GNL3L: variants seen among roughly 807,000 people sequenced by gnomAD.
GNL3L encodes the protein G protein nucleolar 3 like, also known as guanine nucleotide-binding protein-like 3-like protein.
Under a neutral mutation model 42.9 loss-of-function variants are expected in GNL3L, and 4 were observed. That is an observed-to-expected ratio of 0.09 (90% CI 0.05 to 0.21). GNL3L has a LOEUF of 0.21. GNL3L is among the 10% of genes least tolerant of loss of function. The pLI is 1.00. For synonymous variants in GNL3L, 159 were observed against 176.3 expected, an observed-to-expected ratio of 0.90 and a Z score of 0.78; for missense variants, 412 against 481.7, an observed-to-expected ratio of 0.86 and a Z score of 1.36.
intron 16 of GNL3L, among the ~76,000 whole-genome samples, chrX:54,588,989 T>G (rs1376512906): frequency 9.2e-6 from 1 of 108,703 alleles, no homozygotes; most frequent in Non-Finnish European, 1.9e-5. Context: ...AAGATATTCT[T>G]GTTATTTTTT....
Position 54,558,518 on chromosome X carries a change from A to G in GNL3L, c.1529A>G (p.Lys510Arg). Reference sequence around the variant, plus strand: ...AAACGCAATGTGGACCACCGCCCTAAGAGCAACAGTATGGTGGATGTCTGC... The same window carrying G: ...AAACGCAATGTGGACCACCGCCCTAGGAGCAACAGTATGGTGGATGTCTGC... ...WAKRNVDHRP[K>R]SNSMVDVCSV... The change falls in exon 15 of 16, where the codon AAG becomes AGG. Residue 510 changes from lysine to arginine, a missense_variant. Physicochemically the swap from Lys to Arg is conservative, Grantham distance 26. Coordinates refer to ENST00000360845, the MANE Select transcript of GNL3L (RefSeq NM_001184819.2). 3 of 1,208,618 alleles carry G rather than the reference A, an allele frequency of 2.5e-6. No homozygotes were observed. The highest frequency in any genetic ancestry group is 3.4e-6 in the Non-Finnish European group (3 of 892,684).
downstream of GNL3L, among the ~76,000 whole-genome samples, chrX:54,570,689 T>G (rs1201539466): frequency 1.8e-5 from 2 of 111,181 alleles, no homozygotes; most frequent in Admixed American, 9.7e-5. Context: ...TTTTTCTTCC[T>G]TGATTTATTA....
chrX:54,536,977 C>G (rs1312055875), intron 2 of GNL3L, among the ~76,000 whole-genome samples: 1 of 108,218 alleles, frequency 9.2e-6, no homozygotes, highest in African/African-American at 3.3e-5. Flanking sequence ...CTTTAGAGTT[C>G]AGAAATTTCA....
chrX:54,551,101 C>T (rs760113490), intron 10 of GNL3L, 51 bp downstream of exon 10: 5 of 653,223 alleles, frequency 7.7e-6, no homozygotes, highest in South Asian at 2.2e-5. Context: ...CCTACCATTT[C>T]CCCCCAACTC....
intron 14 of GNL3L, among the ~76,000 whole-genome samples, chrX:54,555,502 G>A (rs769844051): frequency 6.6e-5 from 7 of 105,737 alleles, no homozygotes; most frequent in South Asian, 4.3e-4. Context: ...ATGGAAACTC[G>A]CTCTGCCACC....
At chrX:54,606,230 G>A (rs149263280) in intron 16 of GNL3L, among the ~76,000 whole-genome samples, 312 of 111,356 alleles carry the variant, frequency 2.8e-3, no homozygotes, top group African/African-American at 9.9e-3. Flanking sequence ...TAGAGTATAC[G>A]CATATAATGA....
intron 16 of GNL3L, among the ~76,000 whole-genome samples, chrX:54,580,493 A>C (rs1222828884): frequency 1.8e-5 from 2 of 111,064 alleles, no homozygotes; most frequent in Admixed American, 1.9e-4. Flanking sequence ...AGCATGATTT[A>C]TAATCCTTTG....
chrX:54,607,051 T>TCTTTCTTTCTTC (rs1569542589), intron 16 of GNL3L, among the ~76,000 whole-genome samples: 9 of 71,180 alleles, frequency 1.3e-4, no homozygotes, highest in Non-Finnish European at 1.9e-4. Flanking sequence ...TTTCTTTCTT[T>TCTTTCTTTCTTC]CTTTCTTTCT....
Position 54,562,126 on chromosome X carries a change from A to T in GNL3L, c.*1524A>T, listed in dbSNP as rs754451011. 6.3e-5 allele frequency among the ~76,000 whole-genome samples: 7 copies of T among 111,453 alleles called. No homozygotes were observed. In the South Asian group the frequency reaches 2.6e-3, roughly 42 times the overall value. The stretch of plus-strand genomic sequence containing the variant: ...AATGGCGTGATCTCGGCTCACTGCA[A>T]CCTCTGCCTCCCGGGTTCAAGTGAT... On this transcript the variant is annotated 3_prime_UTR_variant, in exon 16 of 16. Coordinates refer to ENST00000360845, the MANE Select transcript of GNL3L (RefSeq NM_001184819.2).
rs191603904 is a variant in GNL3L at position 54,543,191 on chromosome X, G to A, written c.391-16G>A. On this transcript the variant is annotated splice_polypyrimidine_tract_variant and intron_variant, in intron 6 of 15. Transcript: ENST00000360845. The stretch of plus-strand genomic sequence containing the variant: ...ATCCTTTTCCTGCCCTCATCTCCTG[G>A]TCCTCTGCCCTGCAGGTGGTGGAAT... 744 of 1,206,352 alleles carry A rather than the reference G, an allele frequency of 6.2e-4. 3 individuals are homozygous for A. The highest frequency in any genetic ancestry group is 4.6e-3 in the Middle Eastern group (20 of 4,322).
intron 2 of GNL3L, among the ~76,000 whole-genome samples, chrX:54,538,223 T>A (rs1016708783): frequency 6.3e-5 from 7 of 111,180 alleles, no homozygotes; most frequent in Non-Finnish European, 9.4e-5. Flanking sequence ...GAACTTAAGT[T>A]CTGTTTCGTA....
At chrX:54,585,309 T>A (rs752729922) in intron 16 of GNL3L, among the ~76,000 whole-genome samples, 1 of 111,598 alleles carries the variant, frequency 9.0e-6, no homozygotes, top group Admixed American at 9.6e-5. Context: ...CCCTTATTTT[T>A]TTTTTAGAAG....
At chrX:54,592,108 A>G (rs1602003316) in intron 16 of GNL3L, among the ~76,000 whole-genome samples, 1 of 110,501 alleles carries the variant, frequency 9.0e-6, no homozygotes, top group East Asian at 2.8e-4. Context: ...TTTCTTTTTC[A>G]CATTGTTCAC....
At position 54,565,988 on chromosome X, in the gene GNL3L, C is replaced by T. The variant is rs1925417417; in HGVS notation, c.*5386C>T. ...GGCGCAGGCCACCATGCTTGGCTAA[C>T]TTTTATATTTTTACCAGAGACAAGG... On this transcript the variant is annotated 3_prime_UTR_variant, in exon 16 of 16. Coordinates refer to ENST00000360845, the MANE Select transcript of GNL3L (RefSeq NM_001184819.2). Among the ~76,000 whole-genome samples the T allele has an allele frequency of 9.2e-6, 1 of 108,717 alleles. No homozygotes were observed. Among genetic ancestry groups the T allele is most frequent in the South Asian group, 4.0e-4 (1 of 2,489 alleles). 94.4% of individuals were successfully genotyped at this position (108,717 alleles called of 115,157 possible). A position where few individuals can be genotyped will look rare whatever the true frequency, so the allele number is the denominator to read the frequency against.
intron 16 of GNL3L, among the ~76,000 whole-genome samples, chrX:54,579,580 A>G (rs1039419568): frequency 9.1e-6 from 1 of 110,433 alleles, no homozygotes; most frequent in African/African-American, 3.3e-5. Context: ...TTTTGTGGAG[A>G]TGAGGTCTTG....
intron 16 of GNL3L, among the ~76,000 whole-genome samples, chrX:54,615,970 A>G (rs1360137173): frequency 8.8e-6 from 1 of 113,151 alleles, no homozygotes; most frequent in African/African-American, 3.2e-5. Flanking sequence ...AGCATTTGTT[A>G]TGTGCCAGGC....
In GNL3L at chrX:54,551,065, GCTC is replaced by G; in HGVS notation, c.863+20_863+22del. Reference sequence around the variant, plus strand: ...GGAATTACCAAGTAAGCACCTGCCTGCTCCTCCACTCCACAATTCCTTGACCCT... The same window carrying G: ...GGAATTACCAAGTAAGCACCTGCCTGCTCCACTCCACAATTCCTTGACCCT... On this transcript the variant is annotated intron_variant, in intron 10 of 15. Transcript: ENST00000360845. 1 of 879,249 alleles carries G rather than the reference GCTC, an allele frequency of 1.1e-6. No homozygotes were observed. Among genetic ancestry groups the G allele is most frequent in the Non-Finnish European group, 1.7e-6 (1 of 592,461 alleles). 72.5% of individuals were successfully genotyped at this position (879,249 alleles called of 1,213,427 possible).
rs899277905 is a variant in GNL3L at position 54,563,029 on chromosome X, A to G, written c.*2427A>G. 2.7e-5 allele frequency among the ~76,000 whole-genome samples: 3 copies of G among 111,527 alleles called. No homozygotes were observed. The highest frequency in any genetic ancestry group is 9.6e-5 in the Admixed American group (1 of 10,433). ...TTTCTTTTTTGGTTTAAAAAACTCT[A>G]GTTTCTTAAACTACTAGTTTTTAGT... On this transcript the variant is annotated 3_prime_UTR_variant, in exon 16 of 16. Transcript: ENST00000360845.
intron 16 of GNL3L, among the ~76,000 whole-genome samples, chrX:54,575,802 C>T (rs369037529): frequency 1.8e-5 from 2 of 111,583 alleles, no homozygotes; most frequent in Admixed American, 1.9e-4. Flanking sequence ...CCCAGCAACT[C>T]GGGAGGCTGA....
Sources: gnomAD v4.1 joint callset for allele counts (sites outside exome capture counted in the v4.1 genomes callset) on GRCh38, gnomAD v4.1.1 for gene constraint, MANE v1.5 for transcripts, NCBI Gene and HGNC (gene_info 2026-07-23, HGNC 2026-07-21) for gene names.